TNFSF14: variants seen among roughly 807,000 people sequenced by gnomAD.
TNFSF14 encodes TNF superfamily member 14.
A neutral mutation model predicts 22.7 loss-of-function variants in TNFSF14; 15 were observed. The ratio of observed to expected loss-of-function variants is 0.66; its 90% CI spans 0.44 to 1.02. TNFSF14 has a LOEUF of 1.02. TNFSF14 is among the 50% of genes least tolerant of loss of function. The pLI, the probability that TNFSF14 is intolerant of heterozygous loss-of-function variation, is 0.00. For missense variants in TNFSF14, 287 were observed against 326.2 expected (o/e 0.88, Z 0.93); for synonymous variants, 133 against 139.6 (o/e 0.95, Z 0.33).
intron 1 of TNFSF14, 47 bp downstream of exon 1, chr19:6,669,804 G>C: frequency 6.3e-7 from 1 of 1,596,884 alleles, no homozygotes; most frequent in Non-Finnish European, 8.5e-7. Flanking sequence ...TGACACAGGG[G>C]AGCCCCCCTC....
chr19:6,664,915 C>G lies in TNFSF14; in HGVS notation c.*11G>C. The stretch of plus-strand genomic sequence containing the variant: ...TGTCAGACCCATGTCCAATGCACCA[C>G]GCTCCTTCCTTCACACCATGAAAGC... On this transcript the variant is annotated 3_prime_UTR_variant, in exon 4 of 4. Transcript: ENST00000675206. The surrounding 1 kb of genome is among the most constrained non-coding windows in gnomAD (Gnocchi z 4.7). The G allele has an allele frequency of 6.4e-7, 1 of 1,573,182 alleles. No homozygotes were observed. The highest frequency in any genetic ancestry group is 8.7e-7 in the Non-Finnish European group (1 of 1,154,762).
rs1917454429 is a variant in TNFSF14, at chr19:6,667,155, C to T, written c.257-1G>A. 1 of 1,588,946 alleles carries T rather than the reference C, an allele frequency of 6.3e-7. No homozygotes were observed. The highest frequency in any genetic ancestry group is 8.5e-7 in the Non-Finnish European group (1 of 1,170,440). On this transcript the variant is annotated splice_acceptor_variant, in intron 2 of 3. Transcript: ENST00000675206. LOFTEE classifies it high-confidence loss of function. The stretch of plus-strand genomic sequence containing the variant: ...GGGTTGACCTCGTGAGACCTTCGCT[C>T]TGGGGAAAGAGGGTCAGAGGTTAGA...
Position 6,663,946 on chromosome 19 carries a change from A to G in TNFSF14, c.*980T>C, listed in dbSNP as rs1917327999. The G allele has an allele frequency of 6.6e-6, 1 of 152,208 alleles. No individual in the cohort carries two copies. The highest frequency in any genetic ancestry group is 1.5e-5 in the Non-Finnish European group (1 of 68,042). 9.4% of individuals were successfully genotyped at this position (152,208 alleles called of 1,614,324 possible). A position where few individuals can be genotyped will look rare whatever the true frequency, so the allele number is the denominator to read the frequency against. The stretch of plus-strand genomic sequence containing the variant: ...GATGTCTATGCTTGGCAGTGATGAA[A>G]TCAGCCATGGTGGTAGCATTTACAC... On this transcript the variant is annotated 3_prime_UTR_variant, in exon 4 of 4. Coordinates refer to ENST00000675206, the MANE Select transcript of TNFSF14 (RefSeq NM_001376887.1).
rs753861031 is a variant in TNFSF14 at position 6,670,127 on chromosome 19, C to T, written c.-58G>A. On this transcript the variant is annotated 5_prime_UTR_variant, in exon 1 of 4. Coordinates refer to ENST00000675206, the MANE Select transcript of TNFSF14 (RefSeq NM_001376887.1). ...TGGGTCCTTCAACCTCAGAGGAAAC[C>T]GAAATTGCTCAACACTCCTGGGCTG... 73 of 1,594,680 alleles carry T rather than the reference C, an allele frequency of 4.6e-5. No individual in the cohort carries two copies. Among genetic ancestry groups the T allele is most frequent in the Non-Finnish European group, 5.8e-5 (68 of 1,166,106 alleles).
At chr19:6,670,346 A>C, upstream of TNFSF14, 2 of 1,177,584 alleles carry the variant, frequency 1.7e-6, no homozygotes, top group East Asian at 6.5e-5. Flanking sequence ...TGCAGTGGGG[A>C]GCCCCCAGCT....
At position 6,669,993 on chromosome 19, in the gene TNFSF14, C is replaced by T. The variant is rs150431195; in HGVS notation, c.77G>A (p.Arg26Gln). 23 of 1,614,174 alleles carry T rather than the reference C, an allele frequency of 1.4e-5. No individual in the cohort carries two copies. Among genetic ancestry groups the T allele is most frequent in the African/African-American group, 6.7e-5 (5 of 75,020 alleles). The change falls in exon 1 of 4, where the codon CGA (arginine) becomes CAA (glutamine). Residue 26 changes from arginine (R) to glutamine (Q), a missense_variant. By Grantham distance (43) the Arg-to-Gln change is conservative. Transcript: ENST00000675206. ...QTDIPFTRLG[R>Q]SHRRQSCSVA... ...ACTGCACGACTGTCTCCGGTGGCTT[C>T]GTCCCAGCCTCGTGAATGGGATGTC...
chr19:6,666,961 G>T, intron 3 of TNFSF14, 152 bp downstream of exon 3: 1 of 402,764 alleles, frequency 2.5e-6, no homozygotes, highest in South Asian at 6.4e-5. Context: ...AAATAAAACT[G>T]GAAATACATA....
intron 3 of TNFSF14, among the ~76,000 whole-genome samples, chr19:6,666,616 C>T (rs1917434888): frequency 6.6e-6 from 1 of 152,154 alleles, no homozygotes; most frequent in Non-Finnish European, 1.5e-5. Flanking sequence ...TAAAACTAGG[C>T]CGGGCCCGGT....
In TNFSF14 at chr19:6,667,060, T is replaced by C. The variant is rs894264191; in HGVS notation, c.298+53A>G. The C allele has an allele frequency of 3.7e-6, 6 of 1,602,028 alleles. No homozygotes were observed. In the African/African-American group the frequency reaches 8.1e-5, roughly 22 times the overall value. On this transcript the variant is annotated intron_variant, in intron 3 of 3. Coordinates refer to ENST00000675206, the MANE Select transcript of TNFSF14 (RefSeq NM_001376887.1). ...TGATATGTATGGCGTTTATCTGGTCTTCCCGAGACGCCCTGACCCCTGCCC... is the reference window on the plus strand; with the variant it reads ...TGATATGTATGGCGTTTATCTGGTCCTCCCGAGACGCCCTGACCCCTGCCC...
intron 3 of TNFSF14, among the ~76,000 whole-genome samples, chr19:6,666,505 A>G (rs1317548429): frequency 6.6e-6 from 1 of 152,170 alleles, no homozygotes; most frequent in Non-Finnish European, 1.5e-5. Flanking sequence ...TAAAATGCGC[A>G]TATTAATAGC....
rs1917299411 is a variant in TNFSF14, at chr19:6,663,346, G to C, written c.*1580C>G. 6.8e-6 allele frequency: 1 copy of C among 147,114 alleles called. No homozygotes were observed. Among genetic ancestry groups the C allele is most frequent in the Non-Finnish European group, 1.5e-5 (1 of 65,892 alleles). 9.1% of individuals were successfully genotyped at this position (147,114 alleles called of 1,614,324 possible). A position where few individuals can be genotyped will look rare whatever the true frequency, so the allele number is the denominator to read the frequency against. ...TGTGATGTTGTGTGTGTGTAATGTTGTGTTTGTCATTGTGATGTGTGTGTA... is the reference window on the plus strand; with the variant it reads ...TGTGATGTTGTGTGTGTGTAATGTTCTGTTTGTCATTGTGATGTGTGTGTA... On this transcript the variant is annotated 3_prime_UTR_variant, in exon 4 of 4. Transcript: ENST00000675206.
chr19:6,669,526 G>A (rs2040075954), intron 1 of TNFSF14, among the ~76,000 whole-genome samples: 1 of 152,092 alleles, frequency 6.6e-6, no homozygotes, highest in African/African-American at 2.4e-5. Context: ...TGTGTGCACA[G>A]GGGTGTGCAT....
chr19:6,670,163 G>A, upstream of TNFSF14: 2 of 1,528,684 alleles, frequency 1.3e-6, no homozygotes, highest in Non-Finnish European at 1.8e-6. Context: ...TGCACGCTGC[G>A]GACAGGCACC....
Position 6,670,153 on chromosome 19 carries a change from T to C in TNFSF14, c.-84A>G. The C allele has an allele frequency of 1.3e-6, 2 of 1,550,226 alleles. No individual in the cohort carries two copies. Among genetic ancestry groups the C allele is most frequent in the Non-Finnish European group, 1.8e-6 (2 of 1,142,722 alleles). On this transcript the variant is annotated 5_prime_UTR_variant, in exon 1 of 4. Transcript: ENST00000675206. ...GAAATTGCTCAACACTCCTGGGCTG[T>C]GCACGCTGCGGACAGGCACCCGTGG...
rs1225698479 is a variant in TNFSF14 at position 6,662,668 on chromosome 19, A to T, written c.*2258T>A. ...GAAACCCATATCCTAGAATCCTAGG[A>T]ACTAAGGATTCCCTCCAGCCACACT... On this transcript the variant is annotated 3_prime_UTR_variant, in exon 4 of 4. Transcript: ENST00000675206. 1 of 152,202 alleles carries T rather than the reference A, an allele frequency of 6.6e-6. No homozygotes were observed. The highest frequency in any genetic ancestry group is 2.4e-5 in the African/African-American group (1 of 41,444). 9.4% of individuals were successfully genotyped at this position (152,202 alleles called of 1,614,324 possible). A position where few individuals can be genotyped will look rare whatever the true frequency, so the allele number is the denominator to read the frequency against.
chr19:6,670,323 C>A, upstream of TNFSF14: 1 of 1,317,280 alleles, frequency 7.6e-7, no homozygotes, highest in Non-Finnish European at 9.8e-7. Flanking sequence ...GAAAATGTGA[C>A]TCAGGTGGCA....
At position 6,665,242 on chromosome 19, in the gene TNFSF14, G is replaced by T; in HGVS notation, c.407C>A (p.Thr136Asn). 1.9e-6 allele frequency: 3 copies of T among 1,614,132 alleles called. No homozygotes were observed. The highest frequency in any genetic ancestry group is 2.5e-6 in the Non-Finnish European group (3 of 1,180,050). Residue 136 changes from threonine to asparagine, a missense_variant, in exon 4 of 4, where the codon ACC becomes AAC. Physicochemically the swap from Thr to Asn is moderately conservative, Grantham distance 65. Transcript: ENST00000675206. ...LSYHDGALVV[T>N]KAGYYYIYSK... ...GTAGATGTAGTAGTAGCCAGCTTTGGTGACCACAAGGGCCCCATCGTGGTA... is the reference window on the plus strand; with the variant it reads ...GTAGATGTAGTAGTAGCCAGCTTTGTTGACCACAAGGGCCCCATCGTGGTA...
chr19:6,665,145 C>T lies in TNFSF14; in HGVS notation c.504G>A (p.Lys168=). The part of the protein sequence containing the change: ...LASTITHGLY[K]RTPRYPEELE... Reference sequence around the variant, plus strand: ...GCTCCTCGGGGTAGCGGGGTGTGCGCTTGTAGAGGCCGTGGGTGATGGTGC... The same window carrying T: ...GCTCCTCGGGGTAGCGGGGTGTGCGTTTGTAGAGGCCGTGGGTGATGGTGC... The change falls in exon 4 of 4, where the codon AAG becomes AAA. Residue 168 remains lysine (K), a synonymous_variant. Transcript: ENST00000675206. 3 of 1,614,058 alleles carry T rather than the reference C, an allele frequency of 1.9e-6. No homozygotes were observed. The highest frequency in any genetic ancestry group is 2.2e-5 in the East Asian group (1 of 44,870).
chr19:6,668,523 T>C (rs1022987135), intron 1 of TNFSF14, among the ~76,000 whole-genome samples: 1 of 151,904 alleles, frequency 6.6e-6, no homozygotes, highest in Non-Finnish European at 1.5e-5. Context: ...CTGGCCAACA[T>C]GGTGAAACCC....
Sources: gnomAD v4.1 joint callset for allele counts (sites outside exome capture counted in the v4.1 genomes callset) on GRCh38, gnomAD v4.1.1 for gene constraint, Gnocchi (gnomAD v3.1) non-coding constraint, MANE v1.5 for transcripts, NCBI Gene and HGNC (gene_info 2026-07-23, HGNC 2026-07-21) for gene names.